Variants in TMOD3 observed in about 807,000 individuals in gnomAD.
TMOD3 encodes tropomodulin-3.
TMOD3 carries 20 observed loss-of-function variants against 39.2 expected under a neutral mutation model. That is an observed-to-expected ratio of 0.51 (90% CI 0.36 to 0.74). TMOD3 has a LOEUF of 0.74. Among genes scored for constraint, TMOD3 ranks in the 30% least tolerant of loss-of-function variants. The pLI is 0.00. For missense variants in TMOD3, 381 were observed against 412.8 expected (o/e 0.92, Z 0.67); for synonymous variants, 143 against 145.8 (o/e 0.98, Z 0.14).
chr15:51,853,614 A>G (rs1181717335), intron 1 of TMOD3, among the ~76,000 whole-genome samples: 1 of 152,172 alleles, frequency 6.6e-6, no homozygotes, highest in Non-Finnish European at 1.5e-5. Context: ...ACCGATGTAC[A>G]TACAACCTGT....
Position 51,862,881 on chromosome 15 carries a change from C to T in TMOD3, c.-4C>T, listed in dbSNP as rs762626855. On this transcript the variant is annotated 5_prime_UTR_variant, in exon 2 of 10. Transcript: ENST00000308580. ...AAATTAAGTGACTTGCTGCCCTGCA[C>T]ATCATGGCACTGCCATTCCGTAAGG... 62 of 1,612,482 alleles carry T rather than the reference C, an allele frequency of 3.8e-5. No individual in the cohort carries two copies. Among genetic ancestry groups the T allele is most frequent in the Non-Finnish European group, 4.8e-5 (57 of 1,179,464 alleles).
chr15:51,883,409 C>G (rs1209669574), intron 3 of TMOD3, among the ~76,000 whole-genome samples: 1 of 152,022 alleles, frequency 6.6e-6, no homozygotes, highest in African/African-American at 2.4e-5. Flanking sequence ...TAGATTCCAT[C>G]GGTCCCTCAA....
intron 3 of TMOD3, among the ~76,000 whole-genome samples, chr15:51,882,881 C>T (rs1027697861): frequency 1.3e-5 from 2 of 152,022 alleles, no homozygotes; most frequent in Non-Finnish European, 2.9e-5. Context: ...TTGCTGAGAG[C>T]CCCTTAAGTT....
chr15:51,893,906 C>T lies in TMOD3; in HGVS notation c.588C>T (p.Asn196=), dbSNP rs199936689. The change falls in exon 6 of 10, where the codon AAC becomes AAT. Residue 196 remains asparagine (N), a synonymous_variant. Coordinates refer to ENST00000308580, the MANE Select transcript of TMOD3 (RefSeq NM_014547.5). ...AGAGTTTGAAGAGAACTAAAGAAAA[C>T]GATGCTCATCTTGTTGAAGTTAATT... ...VEESLKRTKE[N]DAHLVEVNLN... The T allele has an allele frequency of 6.8e-5, 109 of 1,607,066 alleles. No homozygotes were observed. The highest frequency in any genetic ancestry group is 5.6e-5 in the South Asian group (5 of 89,826).
intron 1 of TMOD3, among the ~76,000 whole-genome samples, chr15:51,832,211 A>ATATATATATATATATATATATATATATG (rs2094761950): frequency 8.3e-6 from 1 of 119,966 alleles, no homozygotes; most frequent in Non-Finnish European, 1.7e-5. Context: ...AATTATATAT[A>ATATATATATATATATATATATATATATG]TATATATATA....
chr15:51,867,912 G>T (rs2570253), intron 2 of TMOD3, among the ~76,000 whole-genome samples: 1 of 151,908 alleles, frequency 6.6e-6, no homozygotes, highest in African/African-American at 2.4e-5. Context: ...ACCTTCCACT[G>T]CACCTCCCTC....
At chr15:51,860,038 T>C (rs2056409010) in intron 1 of TMOD3, 2 of 533,186 alleles carry the variant, frequency 3.8e-6, no homozygotes, top group Admixed American at 1.9e-5. Context: ...TCACTGCCTC[T>C]TCATATACGG....
chr15:51,847,339 A>AT (rs890804351), intron 1 of TMOD3, among the ~76,000 whole-genome samples: 1 of 152,166 alleles, frequency 6.6e-6, no homozygotes, highest in African/African-American at 2.4e-5. Context: ...TATAAATTTC[A>AT]TTTTTTAAAA....
chr15:51,841,348 T>C (rs987382172), intron 1 of TMOD3, among the ~76,000 whole-genome samples: 2 of 152,196 alleles, frequency 1.3e-5, no homozygotes, highest in Non-Finnish European at 2.9e-5. Flanking sequence ...TAATTGATAG[T>C]TGTTGTCATA....
chr15:51,892,436 C>T lies in TMOD3; in HGVS notation c.497-1379C>T, dbSNP rs2056598334. Reference sequence around the variant, plus strand: ...TTAAAGGGCTCAAGGATTTCAGGTCCTCTGTCGTTCACATCTGAAGCATCA... The same window carrying T: ...TTAAAGGGCTCAAGGATTTCAGGTCTTCTGTCGTTCACATCTGAAGCATCA... On this transcript the variant is annotated intron_variant, in intron 5 of 9. Coordinates refer to ENST00000308580, the MANE Select transcript of TMOD3 (RefSeq NM_014547.5). 5 of 152,228 alleles carry T rather than the reference C, an allele frequency of 3.3e-5. No individual in the cohort carries two copies. In the South Asian group the frequency reaches 1.0e-3, roughly 32 times the overall value. 9.4% of individuals were successfully genotyped at this position (152,228 alleles called of 1,614,324 possible). A position where few individuals can be genotyped will look rare whatever the true frequency, so the allele number is the denominator to read the frequency against.
At chr15:51,873,232 A>G (rs1480322590) in intron 3 of TMOD3, among the ~76,000 whole-genome samples, 1 of 152,162 alleles carries the variant, frequency 6.6e-6, no homozygotes, top group Non-Finnish European at 1.5e-5. Flanking sequence ...CTTCCCATCA[A>G]CCTAAATGTT....
chr15:51,863,835 A>T (rs149072619), intron 2 of TMOD3, among the ~76,000 whole-genome samples: 1 of 152,206 alleles, frequency 6.6e-6, no homozygotes, highest in Non-Finnish European at 1.5e-5. Flanking sequence ...CCTTAACCAT[A>T]ATTACTATTA....
chr15:51,890,008 A>G (rs1310346430), intron 5 of TMOD3, among the ~76,000 whole-genome samples: 1 of 151,964 alleles, frequency 6.6e-6, no homozygotes, highest in African/African-American at 2.4e-5. Flanking sequence ...TTCCCCAAAC[A>G]CCACCTACCC....
rs750332858 is a variant in TMOD3, at chr15:51,893,922, G to C, written c.604G>C (p.Glu202Gln). Reference protein sequence around the residue: ...RTKENDAHLVEVNLNNIKNIP... With the variant: ...RTKENDAHLVQVNLNNIKNIP... ...TAAAGAAAACGATGCTCATCTTGTT[G>C]AAGTTAATTTGAATAATATAAAGGT... is the stretch of plus-strand genomic sequence containing the variant. Residue 202 changes from glutamate to glutamine, a missense_variant, in exon 6 of 10, where the codon GAA becomes CAA. Coordinates refer to ENST00000308580, the MANE Select transcript of TMOD3 (RefSeq NM_014547.5). 3.7e-6 allele frequency: 6 copies of C among 1,606,632 alleles called. No homozygotes were observed. The Admixed American group carries it at 1.0e-4, about 27-fold the overall frequency.
intron 3 of TMOD3, chr15:51,875,061 A>T (rs1227922920): frequency 6.6e-6 from 1 of 152,160 alleles, no homozygotes; most frequent in African/African-American, 2.4e-5. Flanking sequence ...TAAACTAAGG[A>T]CTTCCCATAT....
At chr15:51,881,775 G>A (rs2056536176) in intron 3 of TMOD3, among the ~76,000 whole-genome samples, 1 of 151,518 alleles carries the variant, frequency 6.6e-6, no homozygotes, top group Non-Finnish European at 1.5e-5. Context: ...TGTTGGTCAG[G>A]CTGGCCTTGA....
intron 3 of TMOD3, among the ~76,000 whole-genome samples, chr15:51,875,676 C>T (rs1018484313): frequency 1.1e-4 from 15 of 140,172 alleles, no homozygotes; most frequent in Admixed American, 7.0e-4. Context: ...AGTGCAGTGG[C>T]GCGATCTCGG....
intron 3 of TMOD3, chr15:51,875,217 A>T (rs1369178899): frequency 1.3e-5 from 2 of 152,162 alleles, no homozygotes; most frequent in Non-Finnish European, 2.9e-5. Context: ...ACCTGCCTAC[A>T]TCAAGAGGAT....
At chr15:51,839,709 G>A (rs1226399551) in intron 1 of TMOD3, among the ~76,000 whole-genome samples, 5 of 151,842 alleles carry the variant, frequency 3.3e-5, no homozygotes, top group African/African-American at 1.2e-4. Context: ...CACCACACCT[G>A]GCTAATTTTT....
Sources: allele counts gnomAD v4.1 joint callset (sites outside exome capture counted in the v4.1 genomes callset), GRCh38; gene constraint gnomAD v4.1.1; transcripts MANE v1.5; gene names NCBI Gene and HGNC (gene_info 2026-07-23, HGNC 2026-07-21).